The following STAU2 variants were observed in gnomAD, a reference collection of about 807,000 sequenced individuals.
The protein encoded by STAU2 is double-stranded RNA-binding protein Staufen homolog 2.
STAU2 carries 20 observed loss-of-function variants against 65.9 expected under a neutral mutation model. That is an observed-to-expected ratio of 0.30 (90% CI 0.21 to 0.44). The LOEUF (loss-of-function observed/expected upper bound fraction) is 0.44. STAU2 is among the 20% of genes least tolerant of loss of function. The pLI is 1.00. For synonymous variants in STAU2, 232 were observed against 233.9 expected, an observed-to-expected ratio of 0.99 and a Z score of 0.07; for missense variants, 558 against 683.9, an observed-to-expected ratio of 0.82 and a Z score of 2.05.
intron 12 of STAU2, among the ~76,000 whole-genome samples, chr8:73,572,469 T>C (rs1358257184): frequency 1.3e-5 from 2 of 152,118 alleles, no homozygotes; most frequent in African/African-American, 4.8e-5. Flanking sequence ...TAGACCAGTA[T>C]CCCTACTGAA....
At chr8:73,690,278 G>A (rs548065382) in intron 4 of STAU2, among the ~76,000 whole-genome samples, 493 of 137,820 alleles carry the variant, frequency 3.6e-3, no homozygotes, top group Middle Eastern at 9.5e-3. Flanking sequence ...GCAGTGAGCC[G>A]AGATTGCGCC....
intron 6 of STAU2, among the ~76,000 whole-genome samples, chr8:73,657,861 A>C (rs1816499950): frequency 6.6e-6 from 1 of 151,810 alleles, no homozygotes; most frequent in Non-Finnish European, 1.5e-5. Context: ...TAAAAATACA[A>C]AAATTAGCTG....
At chr8:73,643,601 G>A (rs189392206) in intron 6 of STAU2, among the ~76,000 whole-genome samples, 1 of 152,176 alleles carries the variant, frequency 6.6e-6, no homozygotes, top group East Asian at 1.9e-4. Flanking sequence ...AAAACAGGAG[G>A]TCCAGTGAGC....
chr8:73,471,101 GGTTT>G (rs998652321), intron 13 of STAU2, among the ~76,000 whole-genome samples: 1 of 151,300 alleles, frequency 6.6e-6, no homozygotes, highest in African/African-American at 2.4e-5. Flanking sequence ...GATTTTCCAA[GGTTT>G]TTTTCCTCTT....
chr8:73,680,171 C>T (rs1281079798), intron 5 of STAU2, among the ~76,000 whole-genome samples: 7 of 116,202 alleles, frequency 6.0e-5, no homozygotes, highest in Admixed American at 2.9e-4. Flanking sequence ...AGGGGGCCGG[C>T]GGGAATAGGG....
chr8:73,564,934 G>A lies in STAU2; in HGVS notation c.1223-12615C>T, dbSNP rs890328580. ...CGTGTGTGTGTGTGTGCGCACACGCGTGTGCACATGTGTCCTGGAATGGAA... is the reference window on the plus strand; with the variant it reads ...CGTGTGTGTGTGTGTGCGCACACGCATGTGCACATGTGTCCTGGAATGGAA... On this transcript the variant is annotated intron_variant, in intron 12 of 14. Transcript: ENST00000524300. Among the ~76,000 whole-genome samples, 15 of 152,166 alleles carry A rather than the reference G, an allele frequency of 9.9e-5. 1 individual carries two copies. Among genetic ancestry groups the A allele is most frequent in the African/African-American group, 1.4e-4 (6 of 41,438 alleles).
chr8:73,539,283 A>C (rs1806369607), intron 13 of STAU2, among the ~76,000 whole-genome samples: 2 of 152,252 alleles, frequency 1.3e-5, no homozygotes, highest in African/African-American at 4.8e-5. Flanking sequence ...AAAGGCAATC[A>C]ATAGACACCA....
At chr8:73,514,584 T>C (rs771188752) in intron 13 of STAU2, among the ~76,000 whole-genome samples, 17 of 152,232 alleles carry the variant, frequency 1.1e-4, no homozygotes, top group Non-Finnish European at 2.1e-4. Flanking sequence ...AATGTCCTTA[T>C]AATCTGCCTT....
Position 73,617,301 on chromosome 8 carries a change from T to G in STAU2, c.561A>C (p.Arg187Ser), listed in dbSNP as rs766457090. ...QALQNEPIPE[R>S]SPQNGESGKD... ...TGCAGCAGCACCACACCTGAGGAGA[T>G]CTTTCTGGAATAGGTTCATTCTGCA... is the stretch of plus-strand genomic sequence containing the variant. Residue 187 changes from arginine to serine, a missense_variant, in exon 7 of 15, where the codon AGA (arginine) becomes AGC (serine). Coordinates refer to ENST00000524300, the MANE Select transcript of STAU2 (RefSeq NM_001164380.2). 6.2e-7 allele frequency: 1 copy of G among 1,614,038 alleles called. No homozygotes were observed. The highest frequency in any genetic ancestry group is 8.5e-7 in the Non-Finnish European group (1 of 1,179,954).
intron 11 of STAU2, 53 bp from the exon 12 acceptor site, chr8:73,582,883 G>C: frequency 8.6e-7 from 1 of 1,156,402 alleles, no homozygotes; most frequent in Non-Finnish European, 1.2e-6. Context: ...TATTCAAAAA[G>C]AAAAAAAAAA....
Position 73,709,061 on chromosome 8 carries a change from G to C in STAU2, c.85C>G (p.Leu29Val). Residue 29 changes from leucine (L) to valine (V), a missense_variant, in exon 4 of 15, where the codon CTG becomes GTG. Physicochemically the swap from Leu to Val is conservative, Grantham distance 32. Transcript: ENST00000524300. ...FNRVQPQYKLLNERGPAHSKM... is the reference protein window; with the variant it reads ...FNRVQPQYKLVNERGPAHSKM... ...GAATGAGCAGGCCCTCTTTCATTCA[G>C]AAGTTTATACTGGGGTTGGACTCTA... 1 of 1,530,290 alleles carries C rather than the reference G, an allele frequency of 6.5e-7. No individual in the cohort carries two copies. The highest frequency in any genetic ancestry group is 8.7e-7 in the Non-Finnish European group (1 of 1,143,712). The allele number at this position is 1,530,290 out of a possible 1,614,324, so 94.8% of individuals were successfully genotyped here. A position where few individuals can be genotyped will look rare whatever the true frequency, so the allele number is the denominator to read the frequency against.
chr8:73,639,207 G>A (rs577634993), intron 6 of STAU2, among the ~76,000 whole-genome samples: 93 of 152,002 alleles, frequency 6.1e-4, no homozygotes, highest in African/African-American at 2.2e-3. Context: ...TCACTGGTTC[G>A]AGTTTCTAAA....
At chr8:73,533,335 A>C (rs759522362) in intron 13 of STAU2, among the ~76,000 whole-genome samples, 6 of 152,202 alleles carry the variant, frequency 3.9e-5, no homozygotes, top group African/African-American at 7.2e-5. Context: ...TCAATATATC[A>C]ATTAAATAAG....
At chr8:73,726,970 C>T (rs1467367236) in intron 3 of STAU2, among the ~76,000 whole-genome samples, 2 of 152,172 alleles carry the variant, frequency 1.3e-5, no homozygotes, top group Non-Finnish European at 2.9e-5. Flanking sequence ...TGGCTCACTC[C>T]TGTAATCCCA....
At chr8:73,716,929 C>A (rs1821291222) in intron 3 of STAU2, among the ~76,000 whole-genome samples, 2 of 151,920 alleles carry the variant, frequency 1.3e-5, no homozygotes, top group South Asian at 4.2e-4. Context: ...CATGGTACCC[C>A]GCCTCTATTA....
intron 9 of STAU2, among the ~76,000 whole-genome samples, chr8:73,612,804 T>C (rs560569280): frequency 5.3e-5 from 8 of 152,332 alleles, no homozygotes; most frequent in East Asian, 1.9e-4. Context: ...TTCATTTGTA[T>C]AGCCTGATCA....
At chr8:73,744,485 A>AG (rs1807135918) in intron 1 of STAU2, among the ~76,000 whole-genome samples, 1 of 108,810 alleles carries the variant, frequency 9.2e-6, no homozygotes, top group Non-Finnish European at 2.3e-5. Context: ...GTAGGCACAA[A>AG]GGAAAAAAAA....
intron 6 of STAU2, among the ~76,000 whole-genome samples, chr8:73,665,377 G>A (rs570680204): frequency 6.6e-6 from 1 of 152,252 alleles, no homozygotes; most frequent in South Asian, 2.1e-4. Context: ...CCCAAACCAA[G>A]GGATGTAGTA....
chr8:73,712,776 G>A (rs917280486), intron 3 of STAU2, among the ~76,000 whole-genome samples: 4 of 152,052 alleles, frequency 2.6e-5, no homozygotes, highest in South Asian at 2.1e-4. Context: ...ACAACATAGC[G>A]AGACCTCATC....
Sources: allele counts gnomAD v4.1 joint callset (sites outside exome capture counted in the v4.1 genomes callset), GRCh38; gene constraint gnomAD v4.1.1; transcripts MANE v1.5; gene names NCBI Gene and HGNC (gene_info 2026-07-23, HGNC 2026-07-21).